ADK: variants seen among roughly 807,000 people sequenced by gnomAD.
ADK encodes the protein N6,N6-dimethyladenosine kinase.
A neutral mutation model predicts 44.7 loss-of-function variants in ADK; 24 were observed. The observed-to-expected ratio is 0.54, with a 90% confidence interval of 0.39 to 0.76. The LOEUF is 0.76. ADK is among the 30% of genes least tolerant of loss of function. The pLI, the probability that ADK is intolerant of heterozygous loss-of-function variation, is 0.00. For synonymous variants in ADK, 128 were observed against 142.6 expected (o/e 0.90, Z 0.73); for missense variants, 321 against 425.1 (o/e 0.76, Z 2.15).
intron 7 of ADK, among the ~76,000 whole-genome samples, chr10:74,554,442 T>C (rs1299684940): frequency 6.6e-6 from 1 of 152,106 alleles, no homozygotes; most frequent in African/African-American, 2.4e-5. Context: ...TAATTGCAAA[T>C]ACATCCTGTT....
At chr10:74,176,292 T>C (rs1049092358) in intron 1 of ADK, among the ~76,000 whole-genome samples, 1 of 152,184 alleles carries the variant, frequency 6.6e-6, no homozygotes, top group Non-Finnish European at 1.5e-5. Flanking sequence ...GCCAGGCATT[T>C]TATATTTTCC....
chr10:74,536,148 A>G (rs2133699402), intron 7 of ADK, among the ~76,000 whole-genome samples: 1 of 152,248 alleles, frequency 6.6e-6, no homozygotes, highest in East Asian at 1.9e-4. Context: ...ATACTGTTAG[A>G]TTTTATTATA....
intron 1 of ADK, among the ~76,000 whole-genome samples, chr10:74,156,970 G>A (rs981379436): frequency 6.6e-6 from 1 of 152,216 alleles, no homozygotes; most frequent in African/African-American, 2.4e-5. Flanking sequence ...GGAGCTAGTA[G>A]AAATAACATG....
At chr10:74,496,909 A>G (rs1489206444) in intron 6 of ADK, among the ~76,000 whole-genome samples, 2 of 152,200 alleles carry the variant, frequency 1.3e-5, no homozygotes, top group African/African-American at 4.8e-5. Context: ...GGTATCATTT[A>G]AGCCTCATTT....
intron 6 of ADK, among the ~76,000 whole-genome samples, chr10:74,515,617 C>T (rs892296738): frequency 1.7e-4 from 26 of 152,198 alleles, no homozygotes; most frequent in African/African-American, 6.3e-4. Flanking sequence ...GTTGGGCAGG[C>T]CAAGGGCGTG....
intron 3 of ADK, among the ~76,000 whole-genome samples, chr10:74,283,786 T>A: frequency 6.6e-6 from 1 of 150,672 alleles, no homozygotes. Flanking sequence ...GTTCACGCCA[T>A]TCTCCTGCCT....
At chr10:74,708,170 AG>A (rs370216200) in intron 10 of ADK, 150 bp from the exon 11 acceptor site, 66 of 743,340 alleles carry the variant, frequency 8.9e-5, no homozygotes, top group South Asian at 2.8e-4. Flanking sequence ...AAAAAAAAAA[AG>A]ACCTCCCTAA....
intron 7 of ADK, among the ~76,000 whole-genome samples, chr10:74,531,063 A>G (rs958702735): frequency 2.0e-4 from 30 of 152,210 alleles, no homozygotes; most frequent in African/African-American, 6.8e-4. Context: ...TAGAGGGAGA[A>G]CACAGGACAT....
chr10:74,211,681 A>G (rs766768638), intron 2 of ADK, among the ~76,000 whole-genome samples: 4 of 152,194 alleles, frequency 2.6e-5, no homozygotes, highest in African/African-American at 4.8e-5. Context: ...CAACATGGTA[A>G]CCACTAGTCA....
chr10:74,412,587 C>T (rs865919833), intron 6 of ADK, among the ~76,000 whole-genome samples: 8 of 152,166 alleles, frequency 5.3e-5, no homozygotes, highest in African/African-American at 1.7e-4. Flanking sequence ...GTCAAAATTA[C>T]TCATTGATCC....
chr10:74,608,446 G>A (rs182398264), intron 9 of ADK, among the ~76,000 whole-genome samples: 41 of 152,196 alleles, frequency 2.7e-4, no homozygotes, highest in African/African-American at 9.4e-4. Flanking sequence ...TGATGTTGGT[G>A]CTATTCCTTT....
At chr10:74,469,073 C>G (rs557417350) in intron 6 of ADK, among the ~76,000 whole-genome samples, 25 of 152,194 alleles carry the variant, frequency 1.6e-4, no homozygotes, top group Non-Finnish European at 3.5e-4. Flanking sequence ...CATGGTGGCT[C>G]ACACCTGTAA....
chr10:74,572,188 G>C (rs1006861630), intron 7 of ADK, among the ~76,000 whole-genome samples: 3 of 152,116 alleles, frequency 2.0e-5, no homozygotes, highest in Admixed American at 6.5e-5. Context: ...AGCTCTTTTA[G>C]GGCAGGCCTG....
intron 1 of ADK, among the ~76,000 whole-genome samples, chr10:74,153,626 C>G (rs563213050): frequency 4.6e-5 from 7 of 152,298 alleles, no homozygotes; most frequent in Admixed American, 4.6e-4. Context: ...TATGTTATCT[C>G]TTTTAACCCT....
chr10:74,464,671 A>G (rs1230078048), intron 6 of ADK, among the ~76,000 whole-genome samples: 1 of 152,098 alleles, frequency 6.6e-6, no homozygotes, highest in Non-Finnish European at 1.5e-5. Context: ...CTTTTTAATT[A>G]TTTTTATTCA....
intron 3 of ADK, among the ~76,000 whole-genome samples, chr10:74,256,905 C>G (rs907489232): frequency 2.0e-5 from 3 of 152,096 alleles, no homozygotes; most frequent in African/African-American, 7.2e-5. Context: ...TTTTACCTCT[C>G]TGATTTAGAG....
chr10:74,627,661 C>A (rs570296308), intron 9 of ADK, among the ~76,000 whole-genome samples: 1 of 151,314 alleles, frequency 6.6e-6, no homozygotes, highest in Admixed American at 6.6e-5. Flanking sequence ...GACGGAGTCT[C>A]GCTCTGTCAC....
At chr10:74,213,310 C>T (rs970132430) in intron 2 of ADK, among the ~76,000 whole-genome samples, 2 of 152,154 alleles carry the variant, frequency 1.3e-5, no homozygotes, top group Non-Finnish European at 2.9e-5. Flanking sequence ...ATGGGTCTCA[C>T]TATGTTGCCC....
chr10:74,600,021 T>C (rs1852059173), intron 8 of ADK, among the ~76,000 whole-genome samples: 1 of 152,178 alleles, frequency 6.6e-6, no homozygotes, highest in African/African-American at 2.4e-5. Flanking sequence ...AGTATGATAA[T>C]AGTTTTGTGG....
Sources: gnomAD v4.1 joint callset for allele counts (sites outside exome capture counted in the v4.1 genomes callset) on GRCh38, gnomAD v4.1.1 for gene constraint, MANE v1.5 for transcripts, NCBI Gene and HGNC (gene_info 2026-07-23, HGNC 2026-07-21) for gene names.